OTOGL: variants seen among roughly 807,000 people sequenced by gnomAD.
The protein encoded by OTOGL is otogelin like, also known as otogelin-like protein.
A neutral mutation model predicts 318.5 loss-of-function variants in OTOGL; 285 were observed. That is an observed-to-expected ratio of 0.89 (90% CI 0.81 to 0.99). The LOEUF (loss-of-function observed/expected upper bound fraction) is 0.99. Ranked by LOEUF, OTOGL falls within the 50% of genes least tolerant of loss-of-function variation. The pLI is 0.00. For synonymous variants in OTOGL, 987 were observed against 936.5 expected (o/e 1.05, Z -0.99); for missense variants, 2,899 against 2,845.6 (o/e 1.02, Z -0.43).
At position 80,341,997 on chromosome 12, in the gene OTOGL, A is replaced by T; in HGVS notation, c.5100A>T (p.Thr1700=). The T allele has an allele frequency of 6.2e-7, 1 of 1,609,184 alleles. No homozygotes were observed. The highest frequency in any genetic ancestry group is 8.5e-7 in the Non-Finnish European group (1 of 1,177,108). The change falls in exon 44 of 59, where the codon ACA becomes ACT. Residue 1700 remains threonine (T), a synonymous_variant. Coordinates refer to ENST00000547103, the MANE Select transcript of OTOGL (RefSeq NM_001378609.3). Reference sequence around the variant, plus strand: ...ATGATCTAAGGATGCAAAATGGCACAATTATTACAAATATGGAAGACATAG... The same window carrying T: ...ATGATCTAAGGATGCAAAATGGCACTATTATTACAAATATGGAAGACATAG... ...PDDDLRMQNG[T]IITNMEDIGL... is the part of the protein sequence containing the mutation.
intron 1 of OTOGL, among the ~76,000 whole-genome samples, chr12:80,126,308 A>T (rs1038964031): frequency 6.6e-6 from 1 of 152,138 alleles, no homozygotes; most frequent in Non-Finnish European, 1.5e-5. Flanking sequence ...CCCAGTAGTC[A>T]TTCAGGAGCA....
At position 80,165,514 on chromosome 12, in the gene OTOGL, T is replaced by A. The variant is rs139751328; in HGVS notation, c.-19-43899T>A. ...ACCTGCAGTAATTTACATTCTTCTT[T>A]CTTGCACTATCTACTTTGCTTTTTA... On this transcript the variant is annotated intron_variant, in intron 1 of 58. Coordinates refer to ENST00000547103, the MANE Select transcript of OTOGL (RefSeq NM_001378609.3). Among the ~76,000 whole-genome samples, 112 of 152,358 alleles carry A rather than the reference T, an allele frequency of 7.4e-4. 1 individual carries two copies. Among genetic ancestry groups the A allele is most frequent in the Middle Eastern group, 3.4e-3 (1 of 294 alleles).
At chr12:80,161,737 G>T (rs776930776) in intron 1 of OTOGL, among the ~76,000 whole-genome samples, 4 of 152,212 alleles carry the variant, frequency 2.6e-5, no homozygotes, top group African/African-American at 4.8e-5. Context: ...ACATTTTTAA[G>T]CTAGGACATA....
chr12:80,229,251 T>C lies in OTOGL; in HGVS notation c.490-6T>C. On this transcript the variant is annotated splice_polypyrimidine_tract_variant and splice_region_variant and intron_variant, in intron 7 of 58. Coordinates refer to ENST00000547103, the MANE Select transcript of OTOGL (RefSeq NM_001378609.3). ...TATGCTTTCTTTTTGTTTTTCTCCC[T>C]TTAAGGTTCATAACAGCCCTAAATG... The C allele has an allele frequency of 6.3e-7, 1 of 1,596,614 alleles. No individual in the cohort carries two copies. Among genetic ancestry groups the C allele is most frequent in the Non-Finnish European group, 8.5e-7 (1 of 1,177,346 alleles).
chr12:80,179,805 A>T (rs1356833591), intron 1 of OTOGL, among the ~76,000 whole-genome samples: 1 of 152,212 alleles, frequency 6.6e-6, no homozygotes, highest in Non-Finnish European at 1.5e-5. Context: ...CAGCAGCTCT[A>T]CAGTGAGCAT....
intron 1 of OTOGL, among the ~76,000 whole-genome samples, chr12:80,106,253 T>G (rs941129173): frequency 6.6e-6 from 1 of 152,198 alleles, no homozygotes; most frequent in African/African-American, 2.4e-5. Flanking sequence ...AAATCATTTT[T>G]TCCTGCCTTC....
At chr12:80,231,321 T>C (rs1879338391) in intron 8 of OTOGL, among the ~76,000 whole-genome samples, 1 of 152,208 alleles carries the variant, frequency 6.6e-6, no homozygotes, top group African/African-American at 2.4e-5. Context: ...GAGTCTTTTT[T>C]ATGTATTCTC....
chr12:80,355,229 CTTTTTTT>C (rs869285817), intron 46 of OTOGL, among the ~76,000 whole-genome samples: 1 of 50,022 alleles, frequency 2.0e-5, no homozygotes, highest in African/African-American at 4.2e-5. Flanking sequence ...TCTTTCTTTT[CTTTTTTT>C]TTTTTTTTTT....
intron 44 of OTOGL, 61 bp from the exon 45 acceptor site, chr12:80,352,234 G>A (rs980365576): frequency 9.4e-5 from 136 of 1,443,536 alleles, no homozygotes; most frequent in Non-Finnish European, 1.2e-4. Context: ...TCTTAGTCTA[G>A]CTTAGGGCTT....
At chr12:80,139,895 C>G (rs1239845636) in intron 1 of OTOGL, among the ~76,000 whole-genome samples, 1 of 152,108 alleles carries the variant, frequency 6.6e-6, no homozygotes, top group East Asian at 1.9e-4. Flanking sequence ...TCTGAATGTT[C>G]TACTAACATC....
At chr12:80,291,668 A>G (rs1885052518) in intron 26 of OTOGL, among the ~76,000 whole-genome samples, 2 of 152,222 alleles carry the variant, frequency 1.3e-5, no homozygotes, top group Non-Finnish European at 1.5e-5. Context: ...TATAATGTCA[A>G]CTTAAATTCC....
At chr12:80,130,031 A>G (rs142379718) in intron 1 of OTOGL, among the ~76,000 whole-genome samples, 72 of 151,748 alleles carry the variant, frequency 4.7e-4, no homozygotes, top group African/African-American at 1.6e-3. Context: ...GTAATTTTCT[A>G]TCTCCTTTTT....
intron 1 of OTOGL, among the ~76,000 whole-genome samples, chr12:80,168,193 A>G (rs1873953491): frequency 6.6e-6 from 1 of 151,986 alleles, no homozygotes; most frequent in Non-Finnish European, 1.5e-5. Context: ...CTGAGCTCAA[A>G]GTGGTCTGGC....
At chr12:80,251,998 A>G in intron 12 of OTOGL, 78 bp from the exon 13 acceptor site, 1 of 1,382,002 alleles carries the variant, frequency 7.2e-7, no homozygotes, top group African/African-American at 1.5e-5. Context: ...TATTTTTTGT[A>G]AAAAATAAAA....
chr12:80,146,834 G>GT (rs1297073984), intron 1 of OTOGL, among the ~76,000 whole-genome samples: 2 of 151,768 alleles, frequency 1.3e-5, no homozygotes, highest in African/African-American at 4.8e-5. Flanking sequence ...AGATTTTCTA[G>GT]TTTATTTGCA....
chr12:80,303,727 C>T (rs1885925736), intron 28 of OTOGL, among the ~76,000 whole-genome samples: 3 of 152,138 alleles, frequency 2.0e-5, no homozygotes, highest in Admixed American at 1.3e-4. Flanking sequence ...GGAAATGCCA[C>T]ACTTTTTAAC....
intron 1 of OTOGL, among the ~76,000 whole-genome samples, chr12:80,198,490 A>C (rs1393562901): frequency 6.6e-6 from 1 of 152,192 alleles, no homozygotes; most frequent in Non-Finnish European, 1.5e-5. Flanking sequence ...AGGCTGAGGC[A>C]GGAGAATGGC....
chr12:80,203,426 G>C (rs566284005), intron 1 of OTOGL, among the ~76,000 whole-genome samples: 2 of 151,942 alleles, frequency 1.3e-5, no homozygotes, highest in Admixed American at 6.6e-5. Flanking sequence ...ATCTGTAAAG[G>C]CTGTTTTGTT....
intron 11 of OTOGL, among the ~76,000 whole-genome samples, chr12:80,249,654 A>G (rs1429349097): frequency 6.6e-6 from 1 of 152,156 alleles, no homozygotes; most frequent in East Asian, 1.9e-4. Context: ...TGGAGCCTAC[A>G]GAGGCAGGTA....
Sources: gnomAD v4.1 joint callset for allele counts (sites outside exome capture counted in the v4.1 genomes callset) on GRCh38, gnomAD v4.1.1 for gene constraint, MANE v1.5 for transcripts, NCBI Gene and HGNC (gene_info 2026-07-23, HGNC 2026-07-21) for gene names.